NTRK2: variants seen among roughly 807,000 people sequenced by gnomAD.
NTRK2 encodes the protein BDNF/NT-3 growth factors receptor.
NTRK2 carries 13 observed loss-of-function variants against 94.5 expected under a neutral mutation model. The observed-to-expected ratio is 0.14, with a 90% CI of 0.09 to 0.22. NTRK2 has a LOEUF of 0.22. Among genes scored for constraint, NTRK2 ranks in the 10% least tolerant of loss-of-function variants. The probability of loss-of-function intolerance (pLI) is 1.00; values close to 1 mark genes in which losing one functional copy is unlikely to be tolerated. For synonymous variants in NTRK2, 372 were observed against 407.4 expected, an observed-to-expected ratio of 0.91 and a Z score of 1.05; for missense variants, 639 against 1,071.2, an observed-to-expected ratio of 0.60 and a Z score of 5.63.
At chr9:84,844,648 C>G (rs1279588004) in intron 12 of NTRK2, among the ~76,000 whole-genome samples, 1 of 97,340 alleles carries the variant, frequency 1.0e-5, no homozygotes, top group Non-Finnish European at 2.1e-5. Flanking sequence ...TAATACCTCA[C>G]TCACACACAC....
At chr9:84,985,371 T>G (rs1486969854) in intron 17 of NTRK2, among the ~76,000 whole-genome samples, 1 of 152,218 alleles carries the variant, frequency 6.6e-6, no homozygotes, top group Non-Finnish European at 1.5e-5. Context: ...TTATAGGGGC[T>G]ACTGATAATA....
intron 12 of NTRK2, chr9:84,812,843 A>C (rs1180996082): frequency 9.6e-7 from 1 of 1,036,370 alleles, no homozygotes; most frequent in African/African-American, 1.7e-5. Context: ...AATGGAGAGA[A>C]GTGGACAGAT....
At chr9:84,820,343 T>C (rs2072721541) in intron 12 of NTRK2, among the ~76,000 whole-genome samples, 1 of 152,026 alleles carries the variant, frequency 6.6e-6, no homozygotes, top group Admixed American at 6.6e-5. Flanking sequence ...CTAATTTTTG[T>C]ATTTGTAAGA....
chr9:84,778,063 A>G (rs2067225205), intron 12 of NTRK2, among the ~76,000 whole-genome samples: 1 of 152,160 alleles, frequency 6.6e-6, no homozygotes, highest in African/African-American at 2.4e-5. Context: ...GGAGTTCGAG[A>G]CCAGCCTGGG....
At position 84,890,309 on chromosome 9, in the gene NTRK2, G is replaced by T. The variant is rs570962351; in HGVS notation, c.1633+22878G>T. ...ATGGGTGTGACTGATCAGTGCTAAT[G>T]GCCGTGACCCTTACCGTCCTCATGT... On this transcript the variant is annotated intron_variant, in intron 14 of 18. Transcript: ENST00000277120. 8.0e-4 allele frequency among the ~76,000 whole-genome samples: 122 copies of T among 152,324 alleles called. 2 individuals carry two copies. Among genetic ancestry groups the T allele is most frequent in the Admixed American group, 2.3e-3 (35 of 15,294 alleles).
intron 13 of NTRK2, among the ~76,000 whole-genome samples, chr9:84,866,639 G>T (rs530930054): frequency 6.6e-6 from 1 of 152,294 alleles, no homozygotes; most frequent in East Asian, 1.9e-4. Context: ...AATATAAAAT[G>T]GTGCAGCCAC....
intron 14 of NTRK2, among the ~76,000 whole-genome samples, chr9:84,905,578 C>G (rs1357883717): frequency 4.6e-5 from 7 of 152,020 alleles, no homozygotes; most frequent in Non-Finnish European, 1.0e-4. Context: ...GTACATTACC[C>G]TTTGGAGAGA....
In NTRK2 at chr9:84,892,043, G is replaced by A. The variant is rs891887263; in HGVS notation, c.1633+24612G>A. 7.2e-5 allele frequency among the ~76,000 whole-genome samples: 11 copies of A among 152,246 alleles called. No individual in the cohort carries two copies. The East Asian group carries it at 1.2e-3, about 16-fold the overall frequency. ...GATTTATTTCCCTAAGGGTGGAGGA[G>A]TTTTTTCACTGCAATCAGTAACAAG... is the stretch of plus-strand genomic sequence containing the variant. On this transcript the variant is annotated intron_variant, in intron 14 of 18. Coordinates refer to ENST00000277120, the MANE Select transcript of NTRK2 (RefSeq NM_006180.6).
intron 14 of NTRK2, among the ~76,000 whole-genome samples, chr9:84,887,268 G>A (rs1318287742): frequency 6.6e-6 from 1 of 152,164 alleles, no homozygotes; most frequent in Non-Finnish European, 1.5e-5. Context: ...TGAATGTGTT[G>A]CTCCTTTTCT....
chr9:85,010,864 T>A (rs766714911), intron 17 of NTRK2, among the ~76,000 whole-genome samples: 2 of 151,956 alleles, frequency 1.3e-5, no homozygotes, highest in African/African-American at 2.4e-5. Context: ...AAACTAGGGG[T>A]CTTTGGCTGT....
intron 14 of NTRK2, among the ~76,000 whole-genome samples, chr9:84,871,498 A>T (rs748707357): frequency 1.3e-5 from 2 of 152,234 alleles, no homozygotes; most frequent in Non-Finnish European, 2.9e-5. Flanking sequence ...AATGATGCTC[A>T]AAAGTGGTTT....
chr9:84,743,749 T>C (rs11140746), intron 10 of NTRK2, among the ~76,000 whole-genome samples: 79,096 of 152,128 alleles, frequency 0.52, 24,653 homozygotes, highest in South Asian at 0.68. Context: ...GACACTTGAA[T>C]GATTTAAATT....
intron 2 of NTRK2, among the ~76,000 whole-genome samples, chr9:84,690,353 T>G (rs565071459): frequency 3.9e-5 from 6 of 152,300 alleles, no homozygotes; most frequent in South Asian, 2.1e-4. Flanking sequence ...TGTGAAATGA[T>G]TTGTCCTGAC....
At chr9:84,682,312 A>G (rs1162381781) in intron 2 of NTRK2, among the ~76,000 whole-genome samples, 1 of 152,194 alleles carries the variant, frequency 6.6e-6, no homozygotes, top group Non-Finnish European at 1.5e-5. Flanking sequence ...ACTTTATTGT[A>G]TGGAATTTAG....
At chr9:84,797,730 TTA>T (rs1783382631) in intron 12 of NTRK2, among the ~76,000 whole-genome samples, 1 of 80,638 alleles carries the variant, frequency 1.2e-5, no homozygotes, top group African/African-American at 5.3e-5. Context: ...ATATTATATA[TTA>T]TATATACTAT....
intron 14 of NTRK2, chr9:84,872,060 C>A (rs190235579): frequency 3.6e-6 from 5 of 1,383,662 alleles, no homozygotes; most frequent in Non-Finnish European, 4.7e-6. Flanking sequence ...CCCATCTCCT[C>A]GATCAATCAG....
chr9:84,921,091 G>A (rs1418505998), intron 14 of NTRK2, among the ~76,000 whole-genome samples: 1 of 152,198 alleles, frequency 6.6e-6, no homozygotes, highest in Non-Finnish European at 1.5e-5. Flanking sequence ...CCCAGGAGAA[G>A]GGACTTCATG....
intron 12 of NTRK2, chr9:84,814,027 C>A: frequency 1.9e-6 from 2 of 1,065,146 alleles, no homozygotes; most frequent in Non-Finnish European, 2.3e-6. Flanking sequence ...CATCTCACAA[C>A]AGGAAAAACA....
In NTRK2 at chr9:85,024,894, T is replaced by C. The variant is rs969895822; in HGVS notation, c.*3457T>C. 6 of 232,908 alleles carry C rather than the reference T, an allele frequency of 2.6e-5. No individual in the cohort carries two copies. The highest frequency in any genetic ancestry group is 1.1e-4 in the African/African-American group (5 of 45,352). 14.4% of individuals were successfully genotyped at this position (232,908 alleles called of 1,614,324 possible). On this transcript the variant is annotated 3_prime_UTR_variant, in exon 19 of 19. Transcript: ENST00000277120. ...GTTCACATCAGCGCTACCTGTGATG[T>C]TTTCATGTATTTATGTATGTGTTAT...
Sources: allele counts gnomAD v4.1 joint callset (sites outside exome capture counted in the v4.1 genomes callset), GRCh38; gene constraint gnomAD v4.1.1; transcripts MANE v1.5; gene names NCBI Gene and HGNC (gene_info 2026-07-23, HGNC 2026-07-21).